WDFY2: variants seen among roughly 807,000 people sequenced by gnomAD.
WDFY2 encodes WD repeat and FYVE domain-containing protein 2.
WDFY2 carries 36 observed loss-of-function variants against 56.4 expected under a neutral mutation model. The ratio of observed to expected loss-of-function variants is 0.64; its 90% CI spans 0.49 to 0.84. The LOEUF is 0.84. Ranked by LOEUF, WDFY2 falls within the 40% of genes least tolerant of loss-of-function variation. WDFY2 has a pLI of 0.00. For synonymous variants in WDFY2, 176 were observed against 183.7 expected, an observed-to-expected ratio of 0.96 and a Z score of 0.34; for missense variants, 444 against 512.2, an observed-to-expected ratio of 0.87 and a Z score of 1.29.
intron 1 of WDFY2, among the ~76,000 whole-genome samples, chr13:51,610,597 G>C (rs1338180055): frequency 6.6e-6 from 1 of 152,118 alleles, no homozygotes. Context: ...ATCCAGTAAT[G>C]TTATCTTGTT....
chr13:51,611,430 C>T lies in WDFY2; in HGVS notation c.137+26606C>T, dbSNP rs1035597181. ...TTTGTTTTCAATGAATTTATTTTAT[C>T]GTTGAGATTTTGCCTCAGCATACAA... On this transcript the variant is annotated intron_variant, in intron 1 of 11. Transcript: ENST00000298125. 3.9e-5 allele frequency among the ~76,000 whole-genome samples: 6 copies of T among 151,998 alleles called. No individual in the cohort carries two copies. In the South Asian group the frequency reaches 1.0e-3, roughly 26 times the overall value.
chr13:51,660,447 A>C (rs573688553), intron 1 of WDFY2, 149 bp from the exon 2 acceptor site: 295 of 535,102 alleles, frequency 5.5e-4, no homozygotes, highest in African/African-American at 4.9e-3. Context: ...TGATACGCCT[A>C]CCTCGGCCTC....
intron 6 of WDFY2, among the ~76,000 whole-genome samples, chr13:51,728,344 G>C (rs552693921): frequency 6.6e-6 from 1 of 152,168 alleles, no homozygotes; most frequent in African/African-American, 2.4e-5. Context: ...CTTTGCTCAG[G>C]GTCACTTAAG....
chr13:51,619,905 G>A (rs1421113350), intron 1 of WDFY2, among the ~76,000 whole-genome samples: 1 of 152,196 alleles, frequency 6.6e-6, no homozygotes, highest in Non-Finnish European at 1.5e-5. Flanking sequence ...GCTGAGACTC[G>A]CCTACTTGTT....
chr13:51,593,749 T>C (rs1038729116), intron 1 of WDFY2, among the ~76,000 whole-genome samples: 1 of 152,200 alleles, frequency 6.6e-6, no homozygotes, highest in Non-Finnish European at 1.5e-5. Flanking sequence ...TTGGTTCTTC[T>C]TAACAATTTC....
At chr13:51,626,707 A>G (rs112856892) in intron 1 of WDFY2, among the ~76,000 whole-genome samples, 2,031 of 152,308 alleles carry the variant, frequency 0.013, 54 homozygotes, top group African/African-American at 0.047. Flanking sequence ...TCAGTGTTTC[A>G]TATCACATTA....
chr13:51,659,743 C>T (rs1955576827), intron 1 of WDFY2, among the ~76,000 whole-genome samples: 2 of 152,214 alleles, frequency 1.3e-5, no homozygotes, highest in Admixed American at 1.3e-4. Context: ...CATAGCAAGC[C>T]TCATGGACGC....
intron 3 of WDFY2, among the ~76,000 whole-genome samples, chr13:51,682,051 A>G (rs1010528781): frequency 1.3e-5 from 2 of 152,184 alleles, no homozygotes; most frequent in Non-Finnish European, 2.9e-5. Context: ...TGAATTTTCA[A>G]AGGCCCTCTT....
At chr13:51,689,960 G>A (rs1956123574) in intron 3 of WDFY2, among the ~76,000 whole-genome samples, 1 of 152,040 alleles carries the variant, frequency 6.6e-6, no homozygotes, top group South Asian at 2.1e-4. Context: ...TAAGAAATGT[G>A]CAAATTGTAT....
At chr13:51,755,611 T>A in intron 9 of WDFY2, 152 bp downstream of exon 9, 1 of 732,566 alleles carries the variant, frequency 1.4e-6, no homozygotes, top group Non-Finnish European at 2.3e-6. Flanking sequence ...ATTTACTCTG[T>A]CTACCATAGC....
At chr13:51,723,465 CT>C (rs1272059971) in intron 5 of WDFY2, among the ~76,000 whole-genome samples, 3 of 151,932 alleles carry the variant, frequency 2.0e-5, no homozygotes, top group South Asian at 2.1e-4. Context: ...GCCCCCTTCA[CT>C]TTTTTTTAAT....
chr13:51,705,695 G>C (rs1952069124), intron 4 of WDFY2, among the ~76,000 whole-genome samples: 1 of 151,952 alleles, frequency 6.6e-6, no homozygotes, highest in South Asian at 2.1e-4. Flanking sequence ...TGGGGTATCT[G>C]TCGCCTCAAG....
intron 1 of WDFY2, among the ~76,000 whole-genome samples, chr13:51,623,659 A>C (rs529818962): frequency 3.3e-5 from 5 of 152,136 alleles, no homozygotes; most frequent in Non-Finnish European, 7.4e-5. Context: ...TCATTCTATC[A>C]GTCAGTACCA....
At chr13:51,621,243 G>A (rs1023360493) in intron 1 of WDFY2, among the ~76,000 whole-genome samples, 1 of 152,258 alleles carries the variant, frequency 6.6e-6, no homozygotes, top group South Asian at 2.1e-4. Context: ...GGTGGCTCAC[G>A]CCTGTAATCC....
intron 3 of WDFY2, among the ~76,000 whole-genome samples, chr13:51,691,957 C>G (rs950417766): frequency 7.9e-5 from 12 of 151,996 alleles, no homozygotes; most frequent in African/African-American, 2.9e-4. Context: ...CTCTTTGAAG[C>G]AATTGTGAAT....
chr13:51,664,107 T>G (rs1429513695), intron 2 of WDFY2, among the ~76,000 whole-genome samples: 1 of 152,166 alleles, frequency 6.6e-6, no homozygotes, highest in Non-Finnish European at 1.5e-5. Flanking sequence ...AGGCCAAGTT[T>G]GATGACAGGA....
intron 3 of WDFY2, among the ~76,000 whole-genome samples, chr13:51,677,953 TC>T (rs1325741999): frequency 1.3e-5 from 2 of 152,200 alleles, no homozygotes; most frequent in African/African-American, 4.8e-5. Flanking sequence ...GGTGAGGTCA[TC>T]TACTGAGAGA....
chr13:51,729,725 T>C (rs1488934759), intron 6 of WDFY2, among the ~76,000 whole-genome samples: 1 of 152,218 alleles, frequency 6.6e-6, no homozygotes, highest in African/African-American at 2.4e-5. Flanking sequence ...TTGCCTCTGG[T>C]AGAAAAACAA....
chr13:51,705,803 G>A (rs1219086651), intron 4 of WDFY2, among the ~76,000 whole-genome samples: 1 of 152,028 alleles, frequency 6.6e-6, no homozygotes, highest in Non-Finnish European at 1.5e-5. Context: ...TACTTTTGAA[G>A]CTGTTTCTTG....
Sources: allele counts gnomAD v4.1 joint callset (sites outside exome capture counted in the v4.1 genomes callset), GRCh38; gene constraint gnomAD v4.1.1; transcripts MANE v1.5; gene names NCBI Gene and HGNC (gene_info 2026-07-23, HGNC 2026-07-21).